Variants in SLA observed in about 807,000 individuals in gnomAD.
SLA encodes the protein src-like-adapter.
Under a neutral mutation model 30.3 loss-of-function variants are expected in SLA, and 16 were observed. That is an observed-to-expected ratio of 0.53 (90% CI 0.36 to 0.80). The LOEUF (loss-of-function observed/expected upper bound fraction) is 0.80, where lower values mean the gene tolerates loss of function less well. Among genes scored for constraint, SLA ranks in the 30% least tolerant of loss-of-function variants. SLA has a pLI of 0.01. For missense variants in SLA, 310 were observed against 345.2 expected, an observed-to-expected ratio of 0.90 and a Z score of 0.81; for synonymous variants, 143 against 137.8, an observed-to-expected ratio of 1.04 and a Z score of -0.26.
chr8:133,085,833 A>G (rs913315884), intron 1 of SLA, among the ~76,000 whole-genome samples: 10 of 152,350 alleles, frequency 6.6e-5, no homozygotes, highest in African/African-American at 2.4e-4. Flanking sequence ...GGTTCAACAC[A>G]AGAGTTTTCA....
At chr8:133,057,176 G>A (rs895095155) in intron 3 of SLA, among the ~76,000 whole-genome samples, 10 of 146,060 alleles carry the variant, frequency 6.8e-5, no homozygotes, top group Admixed American at 1.3e-4. Flanking sequence ...TGCTGCCTCT[G>A]TTGGTGCCTC....
intron 3 of SLA, among the ~76,000 whole-genome samples, chr8:133,058,672 C>T (rs1334347777): frequency 6.6e-6 from 1 of 152,144 alleles, no homozygotes; most frequent in East Asian, 1.9e-4. Flanking sequence ...AGAAAGAGCC[C>T]GGCATTCTCC....
At chr8:133,054,425 G>A (rs1395568299) in intron 3 of SLA, among the ~76,000 whole-genome samples, 1 of 152,194 alleles carries the variant, frequency 6.6e-6, no homozygotes, top group Non-Finnish European at 1.5e-5. Flanking sequence ...TGCGATTTGG[G>A]GGGAGATTTA....
chr8:133,045,340 C>T (rs565628358), intron 6 of SLA, among the ~76,000 whole-genome samples: 12 of 149,890 alleles, frequency 8.0e-5, no homozygotes, highest in African/African-American at 2.9e-4. Flanking sequence ...ATATGTTCAT[C>T]ACATGGTCCT....
At position 133,096,137 on chromosome 8, in the gene SLA, A is replaced by G. The variant is rs1449282294; in HGVS notation, c.-319+6416T>C. Reference sequence around the variant, plus strand: ...CCAGTATTGGCATTCAGTATGGTTAAGACCTCTTTATGCAAAGCAGTGCAA... The same window carrying G: ...CCAGTATTGGCATTCAGTATGGTTAGGACCTCTTTATGCAAAGCAGTGCAA... On this transcript the variant is annotated intron_variant, in intron 1 of 8. Coordinates refer to ENST00000338087, the MANE Select transcript of SLA (RefSeq NM_001045556.3). 3.8e-6 allele frequency: 6 copies of G among 1,583,462 alleles called. No homozygotes were observed. The African/African-American group carries it at 8.1e-5, about 21-fold the overall frequency.
At chr8:133,059,386 G>T (rs1438885909) in intron 3 of SLA, among the ~76,000 whole-genome samples, 2 of 152,184 alleles carry the variant, frequency 1.3e-5, no homozygotes, top group African/African-American at 2.4e-5. Context: ...CCACAGCATG[G>T]TGGATTTGAT....
chr8:133,087,421 A>G (rs1846768707), intron 1 of SLA, among the ~76,000 whole-genome samples: 1 of 151,656 alleles, frequency 6.6e-6, no homozygotes, highest in Non-Finnish European at 1.5e-5. Flanking sequence ...AGCCAGAACC[A>G]CCTCCTTCCT....
rs1554706053 is a variant in SLA at position 133,039,953 on chromosome 8, G to GCGCA, written c.617+44_617+45insTGCG. 9.8e-6 allele frequency: 14 copies of GCGCA among 1,434,338 alleles called. No homozygotes were observed. In the Admixed American group the frequency reaches 2.4e-4, roughly 25 times the overall value. 88.9% of individuals were successfully genotyped at this position (1,434,338 alleles called of 1,614,324 possible). ...TCACATGTTCACAGAGCACTTGCAT[G>GCGCA]CACACACACACACACACACACACAC... On this transcript the variant is annotated intron_variant, in intron 8 of 8. Coordinates refer to ENST00000338087, the MANE Select transcript of SLA (RefSeq NM_001045556.3).
At chr8:133,076,184 A>C (rs1283033221) in intron 1 of SLA, 3 of 152,168 alleles carry the variant, frequency 2.0e-5, no homozygotes, top group Non-Finnish European at 4.4e-5. Flanking sequence ...AGCCCCTCAC[A>C]CCTCACAGAG....
chr8:133,042,786 T>C (rs2741191), intron 7 of SLA, among the ~76,000 whole-genome samples: 110,676 of 148,940 alleles, frequency 0.74, 41,880 homozygotes, highest in African/African-American at 0.89. Flanking sequence ...CTCTGCCTCC[T>C]GGGTTCAAGT....
At chr8:133,077,266 G>A (rs1054815674) in intron 1 of SLA, among the ~76,000 whole-genome samples, 4 of 152,188 alleles carry the variant, frequency 2.6e-5, no homozygotes, top group African/African-American at 7.2e-5. Flanking sequence ...AGACAAGAGA[G>A]AGGCCCATAG....
At chr8:133,096,903 G>T (rs4736433) in intron 1 of SLA, among the ~76,000 whole-genome samples, 101,763 of 152,116 alleles carry the variant, frequency 0.67, 34,633 homozygotes, top group Middle Eastern at 0.75. Context: ...GAGTGAGCTG[G>T]GAGGTCTTCA....
chr8:133,054,523 ATGCAT>A (rs1840994310), intron 3 of SLA, among the ~76,000 whole-genome samples: 1 of 152,210 alleles, frequency 6.6e-6, no homozygotes, highest in African/African-American at 2.4e-5. Context: ...AGGATTCAGG[ATGCAT>A]TGCATTTTAG....
At chr8:133,095,966 C>T (rs968105494) in intron 1 of SLA, among the ~76,000 whole-genome samples, 5 of 152,210 alleles carry the variant, frequency 3.3e-5, no homozygotes, top group African/African-American at 1.2e-4. Flanking sequence ...ACCTGGGGAT[C>T]TGCTGTTACC....
chr8:133,073,223 C>T (rs547245723), intron 2 of SLA: 2 of 152,304 alleles, frequency 1.3e-5, no homozygotes, highest in Non-Finnish European at 2.9e-5. Flanking sequence ...TCTATGTTGC[C>T]ATCTTGCTGC....
At chr8:133,039,878 C>A (rs1837841084) in intron 8 of SLA, 120 bp downstream of exon 8, 2 of 1,466,750 alleles carry the variant, frequency 1.4e-6, no homozygotes, top group Admixed American at 4.1e-5. Flanking sequence ...GCAGGGCTGG[C>A]TGACTCTGGC....
chr8:133,054,891 CA>C (rs1476606929), intron 3 of SLA, among the ~76,000 whole-genome samples: 1 of 152,138 alleles, frequency 6.6e-6, no homozygotes, highest in African/African-American at 2.4e-5. Context: ...GCTGCATGAC[CA>C]TTTCTTTTTA....
At chr8:133,094,988 G>T in intron 1 of SLA, 1 of 1,610,434 alleles carries the variant, frequency 6.2e-7, no homozygotes, top group South Asian at 1.1e-5. Context: ...GACTCCAGGT[G>T]AGCAGGGGCT....
intron 1 of SLA, among the ~76,000 whole-genome samples, chr8:133,083,783 C>G (rs905172594): frequency 6.6e-6 from 1 of 152,134 alleles, no homozygotes; most frequent in African/African-American, 2.4e-5. Context: ...AGAATCTAAG[C>G]AGGCTCACGG....
Sources: allele counts gnomAD v4.1 joint callset (sites outside exome capture counted in the v4.1 genomes callset), GRCh38; gene constraint gnomAD v4.1.1; transcripts MANE v1.5; gene names NCBI Gene and HGNC (gene_info 2026-07-23, HGNC 2026-07-21).